The following CCDC150 variants were observed in gnomAD, a reference collection of about 807,000 sequenced individuals.
The protein encoded by CCDC150 is coiled-coil domain-containing protein 150.
Under a neutral mutation model 156.5 loss-of-function variants are expected in CCDC150, and 151 were observed. The observed-to-expected ratio is 0.97, with a 90% CI of 0.85 to 1.10. CCDC150 has a LOEUF of 1.10. Among genes scored for constraint, CCDC150 ranks in the 50% least tolerant of loss-of-function variants. The pLI, the probability that CCDC150 is intolerant of heterozygous loss-of-function variation, is 0.00. For synonymous variants in CCDC150, 452 were observed against 429.4 expected (o/e 1.05, Z -0.65); for missense variants, 1,312 against 1,268.1 (o/e 1.03, Z -0.53).
At position 196,665,655 on chromosome 2, in the gene CCDC150, G is replaced by A. The variant is rs1034946203; in HGVS notation, c.734G>A (p.Gly245Glu). ...ATGCTCCTCAAAATACAAGAAATGG[G>A]ATCAACAGTGGAGGTAGAACGAAAA... is the stretch of plus-strand genomic sequence containing the variant. ...SAMLLKIQEM[G>E]STVEVERKQV... Residue 245 changes from glycine (G) to glutamate (E), a missense_variant, in exon 6 of 28, where the codon GGA becomes GAA. Coordinates refer to ENST00000389175, the MANE Select transcript of CCDC150 (RefSeq NM_001080539.2). The A allele has an allele frequency of 5.0e-6, 8 of 1,599,764 alleles. No individual in the cohort carries two copies. The highest frequency in any genetic ancestry group is 6.8e-6 in the Non-Finnish European group (8 of 1,173,034).
In CCDC150 at chr2:196,689,419, A is replaced by G. The variant is rs1054674099; in HGVS notation, c.1510-5627A>G. On this transcript the variant is annotated intron_variant, in intron 13 of 27. Coordinates refer to ENST00000389175, the MANE Select transcript of CCDC150 (RefSeq NM_001080539.2). ...ATTTGTTTGTATCCTCTTTTATTTC[A>G]TTGAGCAGTGGTTTGTAGTTCTCCT... 4.7e-5 allele frequency among the ~76,000 whole-genome samples: 7 copies of G among 150,154 alleles called. No homozygotes were observed. In the East Asian group the frequency reaches 9.8e-4, roughly 21 times the overall value.
chr2:196,705,005 A>G lies in CCDC150; in HGVS notation c.1695+3825A>G, dbSNP rs186832892. Among the ~76,000 whole-genome samples the G allele has an allele frequency of 5.3e-5, 8 of 152,346 alleles. No homozygotes were observed. In the East Asian group the frequency reaches 1.2e-3, roughly 22 times the overall value. On this transcript the variant is annotated intron_variant, in intron 15 of 27. Coordinates refer to ENST00000389175, the MANE Select transcript of CCDC150 (RefSeq NM_001080539.2). ...CTTTGCTATTGTGAATAGTGCCGCA[A>G]TAAACATACATGTGCATGTGTCTTT...
Position 196,666,901 on chromosome 2 carries a change from T to C in CCDC150, c.892+53T>C, listed in dbSNP as rs756141444. On this transcript the variant is annotated intron_variant, in intron 7 of 27. Transcript: ENST00000389175. The stretch of plus-strand genomic sequence containing the variant: ...CTCTTGTTAGTTTTTGGAGATTTCA[T>C]GGAAAAACTCTTAAGATCCCAAATT... 3 of 1,600,896 alleles carry C rather than the reference T, an allele frequency of 1.9e-6. No homozygotes were observed. In the South Asian group the frequency reaches 3.3e-5, roughly 18 times the overall value.
chr2:196,702,336 T>G (rs1235224592), intron 15 of CCDC150, among the ~76,000 whole-genome samples: 1 of 128,232 alleles, frequency 7.8e-6, no homozygotes, highest in Non-Finnish European at 1.6e-5. Flanking sequence ...GTTCCTTGAC[T>G]GAAGTGCTGT....
At chr2:196,670,710 T>A (rs931884315) in intron 8 of CCDC150, among the ~76,000 whole-genome samples, 1 of 152,152 alleles carries the variant, frequency 6.6e-6, no homozygotes, top group African/African-American at 2.4e-5. Flanking sequence ...AAAATGTGTA[T>A]GTATAATAAT....
chr2:196,717,510 CTAGT>C (rs1168438874), intron 17 of CCDC150, among the ~76,000 whole-genome samples: 8 of 152,062 alleles, frequency 5.3e-5, no homozygotes, highest in African/African-American at 1.9e-4. Context: ...ATTATGTGAT[CTAGT>C]TAGTCAAGTT....
At chr2:196,689,549 C>T (rs1237739415) in intron 13 of CCDC150, among the ~76,000 whole-genome samples, 3 of 152,032 alleles carry the variant, frequency 2.0e-5, no homozygotes, top group African/African-American at 7.3e-5. Flanking sequence ...CTCTGTTTGT[C>T]TGTTATTGGT....
At chr2:196,715,698 A>G (rs144426856) in intron 17 of CCDC150, among the ~76,000 whole-genome samples, 2 of 152,318 alleles carry the variant, frequency 1.3e-5, no homozygotes, top group Non-Finnish European at 2.9e-5. Context: ...ACCTCACAAA[A>G]TGTATAAAAA....
chr2:196,714,726 C>T (rs1163907519), intron 17 of CCDC150, among the ~76,000 whole-genome samples: 1 of 152,112 alleles, frequency 6.6e-6, no homozygotes, highest in African/African-American at 2.4e-5. Context: ...CCTCCAGACC[C>T]TATTCTCCTG....
At chr2:196,720,728 C>T in intron 20 of CCDC150, 60 bp downstream of exon 20, 1 of 1,429,716 alleles carries the variant, frequency 7.0e-7, no homozygotes, top group South Asian at 1.3e-5. Context: ...TGGGATATTA[C>T]TGTTTTTGGG....
At chr2:196,713,177 T>G in intron 17 of CCDC150, 1 of 984,868 alleles carries the variant, frequency 1.0e-6, no homozygotes, top group Non-Finnish European at 1.4e-6. Context: ...GTCTGTTTCT[T>G]TGCTGGGTCA....
At chr2:196,690,722 C>A (rs1184368876) in intron 13 of CCDC150, among the ~76,000 whole-genome samples, 1 of 152,098 alleles carries the variant, frequency 6.6e-6, no homozygotes, top group African/African-American at 2.4e-5. Flanking sequence ...ATTGCCTTGG[C>A]CAGAACTTCC....
At chr2:196,674,800 C>G (rs1022058354) in intron 10 of CCDC150, among the ~76,000 whole-genome samples, 1 of 152,074 alleles carries the variant, frequency 6.6e-6, no homozygotes, top group African/African-American at 2.4e-5. Flanking sequence ...ATAAGTTTTC[C>G]CTTTCAACTT....
chr2:196,713,140 G>A lies in CCDC150; in HGVS notation c.1866+401G>A, dbSNP rs567838234. On this transcript the variant is annotated intron_variant, in intron 17 of 27. Coordinates refer to ENST00000389175, the MANE Select transcript of CCDC150 (RefSeq NM_001080539.2). ...TGTTAAAGGAGGCCTCATTAGATGC[G>A]CTCTCTGACAGGGAAGTTGGCATAA... The A allele has an allele frequency of 5.9e-5, 37 of 630,492 alleles. 1 individual carries two copies. The highest frequency in any genetic ancestry group is 4.5e-4 in the South Asian group (12 of 26,878). 39.1% of individuals were successfully genotyped at this position (630,492 alleles called of 1,614,324 possible).
intron 17 of CCDC150, chr2:196,713,785 A>G: frequency 7.4e-6 from 9 of 1,216,848 alleles, no homozygotes; most frequent in Non-Finnish European, 9.6e-6. Flanking sequence ...ACTAACAAGG[A>G]AATAAGGTTC....
chr2:196,663,517 A>G lies in CCDC150; in HGVS notation c.646-2050A>G, dbSNP rs1474788855. 3.9e-5 allele frequency among the ~76,000 whole-genome samples: 6 copies of G among 152,128 alleles called. No homozygotes were observed. The South Asian group carries it at 8.3e-4, about 21-fold the overall frequency. On this transcript the variant is annotated intron_variant, in intron 5 of 27. Transcript: ENST00000389175. ...GTAATAATTGGAAAATTATGAAGGT[A>G]ATAATTGAAAAAAGAATCTTATAGG...
chr2:196,707,200 A>G (rs1240774280), intron 15 of CCDC150, among the ~76,000 whole-genome samples: 1 of 152,190 alleles, frequency 6.6e-6, no homozygotes, highest in Non-Finnish European at 1.5e-5. Context: ...CTATTGGTCT[A>G]TTTAGAAGTT....
intron 5 of CCDC150, among the ~76,000 whole-genome samples, 187 bp from the exon 6 acceptor site, chr2:196,665,380 C>A (rs138388866): frequency 2.4e-4 from 37 of 152,292 alleles, no homozygotes; most frequent in Non-Finnish European, 4.3e-4. Flanking sequence ...TAAGTTTGAT[C>A]TACATTCCTT....
At chr2:196,655,267 T>C (rs1031036205) in intron 2 of CCDC150, among the ~76,000 whole-genome samples, 3 of 152,214 alleles carry the variant, frequency 2.0e-5, no homozygotes, top group Non-Finnish European at 2.9e-5. Context: ...GCCCGTTTTA[T>C]ATCTACCTCT....
Sources: allele counts gnomAD v4.1 joint callset (sites outside exome capture counted in the v4.1 genomes callset), GRCh38; gene constraint gnomAD v4.1.1; transcripts MANE v1.5; gene names NCBI Gene and HGNC (gene_info 2026-07-23, HGNC 2026-07-21).